Variants in NLGN1 observed in about 807,000 individuals in gnomAD.
NLGN1 encodes neuroligin 1, also known as neuroligin-1.
In NLGN1, 12 loss-of-function variants were observed where a neutral mutation model predicts 65.5. The ratio of observed to expected loss-of-function variants is 0.18; its 90% CI spans 0.12 to 0.30. The LOEUF (loss-of-function observed/expected upper bound fraction) is 0.30, where lower values mean the gene tolerates loss of function less well. Among genes scored for constraint, NLGN1 ranks in the 10% least tolerant of loss-of-function variants. The pLI, the probability that NLGN1 is intolerant of heterozygous loss-of-function variation, is 1.00. For missense variants in NLGN1, 750 were observed against 1,007.1 expected, an observed-to-expected ratio of 0.74 and a Z score of 3.46; for synonymous variants, 350 against 359.5, an observed-to-expected ratio of 0.97 and a Z score of 0.30.
intron 4 of NLGN1, among the ~76,000 whole-genome samples, chr3:174,185,163 T>C (rs777702796): frequency 1.3e-5 from 2 of 152,132 alleles, no homozygotes; most frequent in Non-Finnish European, 2.9e-5. Flanking sequence ...CAAATGTTAT[T>C]GTCTCTGTGA....
chr3:173,470,732 C>G (rs1200788171), intron 2 of NLGN1, among the ~76,000 whole-genome samples: 1 of 152,122 alleles, frequency 6.6e-6, no homozygotes, highest in Admixed American at 6.6e-5. Flanking sequence ...TTTAGCAAGA[C>G]TCAGCTCAGT....
At chr3:174,208,468 T>TTATAA (rs1345890837) in intron 4 of NLGN1, among the ~76,000 whole-genome samples, 1 of 152,058 alleles carries the variant, frequency 6.6e-6, no homozygotes, top group Non-Finnish European at 1.5e-5. Context: ...AACACCCAAT[T>TTATAA]TAGATCTGAT....
chr3:174,050,447 C>A (rs2152502157), intron 4 of NLGN1, among the ~76,000 whole-genome samples: 1 of 151,860 alleles, frequency 6.6e-6, no homozygotes, highest in South Asian at 2.1e-4. Context: ...ATTGACCTAG[C>A]ATTTAACATA....
At chr3:173,617,482 C>T (rs928507308) in intron 3 of NLGN1, among the ~76,000 whole-genome samples, 1 of 152,188 alleles carries the variant, frequency 6.6e-6, no homozygotes, top group Non-Finnish European at 1.5e-5. Flanking sequence ...ACTACACCTG[C>T]AGTAATTCCT....
intron 2 of NLGN1, among the ~76,000 whole-genome samples, chr3:173,585,414 C>T (rs1053878969): frequency 6.6e-6 from 1 of 152,080 alleles, no homozygotes; most frequent in African/African-American, 2.4e-5. Flanking sequence ...GCCGTTTCTG[C>T]GGCTGTCGTG....
intron 4 of NLGN1, among the ~76,000 whole-genome samples, chr3:173,810,836 A>T (rs1162310089): frequency 6.6e-6 from 1 of 152,236 alleles, no homozygotes; most frequent in Non-Finnish European, 1.5e-5. Flanking sequence ...TAGTTCTTCT[A>T]CCGACACCCT....
intron 2 of NLGN1, among the ~76,000 whole-genome samples, chr3:173,485,478 A>C (rs2148985804): frequency 6.6e-6 from 1 of 152,298 alleles, no homozygotes; most frequent in East Asian, 1.9e-4. Context: ...TCCCATAAAA[A>C]ATTATGCTAG....
In NLGN1 at chr3:174,116,597, C is replaced by T. The variant is rs182470401; in HGVS notation, c.647-158718C>T. Among the ~76,000 whole-genome samples, 480 of 152,054 alleles carry T rather than the reference C, an allele frequency of 3.2e-3. 3 individuals are homozygous for T. The highest frequency in any genetic ancestry group is 0.011 in the African/African-American group (459 of 41,490). ...AAGTGATCTGCCTGCCTTGGCCTTC[C>T]GAAGTGCTGGGAATACAGGCATGAG... On this transcript the variant is annotated intron_variant, in intron 4 of 6. Transcript: ENST00000457714.
chr3:174,031,389 T>A (rs1579884727), intron 4 of NLGN1, among the ~76,000 whole-genome samples: 1 of 152,228 alleles, frequency 6.6e-6, no homozygotes, highest in Non-Finnish European at 1.5e-5. Flanking sequence ...ACTGAGCTTT[T>A]CATCACCTTT....
At chr3:174,239,318 G>A (rs143341444) in intron 4 of NLGN1, among the ~76,000 whole-genome samples, 32 of 152,026 alleles carry the variant, frequency 2.1e-4, no homozygotes, top group Admixed American at 5.9e-4. Flanking sequence ...ATCCTCCCAC[G>A]TCGGCTTCCC....
intron 2 of NLGN1, among the ~76,000 whole-genome samples, chr3:173,557,117 C>A (rs1327449262): frequency 6.6e-6 from 1 of 152,084 alleles, no homozygotes; most frequent in Non-Finnish European, 1.5e-5. Flanking sequence ...ATTTACTTCT[C>A]CCTGAAATAA....
intron 3 of NLGN1, among the ~76,000 whole-genome samples, chr3:173,780,006 T>A (rs1307259887): frequency 6.6e-6 from 1 of 152,162 alleles, no homozygotes; most frequent in African/African-American, 2.4e-5. Context: ...ACCTACAAGG[T>A]CTGTGAGTCA....
intron 4 of NLGN1, among the ~76,000 whole-genome samples, chr3:174,125,629 G>A (rs1577004531): frequency 6.6e-6 from 1 of 152,068 alleles, no homozygotes; most frequent in Admixed American, 6.6e-5. Flanking sequence ...CTCAAAGAGA[G>A]GTCAAAGTCT....
chr3:173,856,374 A>G (rs1046120560), intron 4 of NLGN1, among the ~76,000 whole-genome samples: 7 of 152,114 alleles, frequency 4.6e-5, no homozygotes, highest in African/African-American at 1.7e-4. Flanking sequence ...TATTACATCT[A>G]TTTGGCAACT....
intron 4 of NLGN1, among the ~76,000 whole-genome samples, chr3:174,015,251 G>A (rs896419531): frequency 6.6e-6 from 1 of 152,154 alleles, no homozygotes; most frequent in Non-Finnish European, 1.5e-5. Context: ...AGTTTGGGCT[G>A]CCATAACAAA....
At chr3:173,624,923 G>A (rs1373843169) in intron 3 of NLGN1, among the ~76,000 whole-genome samples, 2 of 151,780 alleles carry the variant, frequency 1.3e-5, no homozygotes, top group African/African-American at 4.8e-5. Context: ...AAAGACTTGG[G>A]ATGATGGTGA....
At chr3:173,799,510 C>T (rs1221281937) in intron 3 of NLGN1, among the ~76,000 whole-genome samples, 3 of 151,868 alleles carry the variant, frequency 2.0e-5, no homozygotes, top group African/African-American at 7.2e-5. Context: ...CATGAAACTG[C>T]ACTAAGGCAT....
At chr3:174,091,471 A>T (rs1355893240) in intron 4 of NLGN1, among the ~76,000 whole-genome samples, 1 of 152,206 alleles carries the variant, frequency 6.6e-6, no homozygotes, top group Admixed American at 6.5e-5. Flanking sequence ...TCTTTAACTA[A>T]TGTACTATAG....
At chr3:174,143,385 C>T (rs1057297622) in intron 4 of NLGN1, among the ~76,000 whole-genome samples, 3 of 152,056 alleles carry the variant, frequency 2.0e-5, no homozygotes, top group African/African-American at 7.2e-5. Context: ...ATGACAGAAA[C>T]CAAAGATGCT....
Sources: allele counts gnomAD v4.1 joint callset (sites outside exome capture counted in the v4.1 genomes callset), GRCh38; gene constraint gnomAD v4.1.1; transcripts MANE v1.5; gene names NCBI Gene and HGNC (gene_info 2026-07-23, HGNC 2026-07-21).